The following VPS53 variants were observed in gnomAD, a reference collection of about 807,000 sequenced individuals.
VPS53 encodes vacuolar protein sorting-associated protein 53 homolog.
In VPS53, 70 loss-of-function variants were observed where a neutral mutation model predicts 107.0. That is an observed-to-expected ratio of 0.65 (90% CI 0.54 to 0.80). The LOEUF is 0.80. Among genes scored for constraint, VPS53 ranks in the 30% least tolerant of loss-of-function variants. The pLI, the probability that VPS53 is intolerant of heterozygous loss-of-function variation, is 0.00. For synonymous variants in VPS53, 409 were observed against 393.3 expected (o/e 1.04, Z -0.47); for missense variants, 917 against 1,049.4 (o/e 0.87, Z 1.74).
chr17:555,396 C>T (rs1912238661), intron 15 of VPS53, among the ~76,000 whole-genome samples: 1 of 152,214 alleles, frequency 6.6e-6, no homozygotes, highest in South Asian at 2.1e-4. Context: ...ACTTTTTGGC[C>T]ACATGTTGGC....
chr17:560,897 C>A (rs146655958), intron 14 of VPS53, among the ~76,000 whole-genome samples: 1 of 152,234 alleles, frequency 6.6e-6, no homozygotes. Flanking sequence ...TCATTTAGGA[C>A]CGTGTGGAGC....
chr17:533,813 C>T (rs1170333780), intron 18 of VPS53, among the ~76,000 whole-genome samples: 1 of 151,816 alleles, frequency 6.6e-6, no homozygotes, highest in African/African-American at 2.4e-5. Flanking sequence ...AGGAGATGCT[C>T]AAGTGAATGC....
intron 2 of VPS53, among the ~76,000 whole-genome samples, chr17:706,588 CCT>C (rs1433688342): frequency 6.6e-6 from 1 of 151,734 alleles, no homozygotes; most frequent in Non-Finnish European, 1.5e-5. Context: ...TCATAATTTA[CCT>C]ATAATCTGTT....
intron 13 of VPS53, among the ~76,000 whole-genome samples, chr17:585,834 G>C (rs577901818): frequency 6.6e-6 from 1 of 152,312 alleles, no homozygotes; most frequent in Non-Finnish European, 1.5e-5. Context: ...AACATTCTCT[G>C]AGGAGGGCAT....
chr17:677,260 A>G (rs749450227), intron 4 of VPS53, among the ~76,000 whole-genome samples: 8 of 152,222 alleles, frequency 5.3e-5, no homozygotes, highest in Non-Finnish European at 7.3e-5. Context: ...ACGGAATATT[A>G]TTCACCCGTA....
At position 511,415 on chromosome 17, in the gene VPS53, G is replaced by A. The variant is rs1345439894; in HGVS notation, c.*7713C>T. ...ACCCAAAACAGGAGGCAAGACAATT[G>A]TGCAAATTCCATTTGATGACTGAGC... On this transcript the variant is annotated 3_prime_UTR_variant, in exon 22 of 22. Transcript: ENST00000437048. 4 of 152,184 alleles carry A rather than the reference G, an allele frequency of 2.6e-5. No homozygotes were observed. In the East Asian group the frequency reaches 7.7e-4, roughly 29 times the overall value. 9.4% of individuals were successfully genotyped at this position (152,184 alleles called of 1,614,324 possible). A position where few individuals can be genotyped will look rare whatever the true frequency, so the allele number is the denominator to read the frequency against.
intron 13 of VPS53, among the ~76,000 whole-genome samples, chr17:576,944 A>G (rs1022792558): frequency 3.4e-5 from 5 of 146,876 alleles, no homozygotes; most frequent in Admixed American, 6.8e-5. Flanking sequence ...CAGAACCTCA[A>G]TGCTTTCCTA....
intron 4 of VPS53, among the ~76,000 whole-genome samples, chr17:693,594 T>C (rs1392336972): frequency 6.6e-6 from 1 of 152,124 alleles, no homozygotes; most frequent in East Asian, 1.9e-4. Flanking sequence ...AATAGCTGTG[T>C]GTGGTGGCAC....
At chr17:566,016 A>T (rs983724892) in intron 13 of VPS53, among the ~76,000 whole-genome samples, 3 of 151,936 alleles carry the variant, frequency 2.0e-5, no homozygotes, top group African/African-American at 7.3e-5. Flanking sequence ...ATCCCGGCTA[A>T]AACGGTGAAA....
At chr17:553,286 C>G (rs1912026652) in intron 16 of VPS53, 94 bp downstream of exon 16, 4 of 1,164,022 alleles carry the variant, frequency 3.4e-6, no homozygotes, top group Non-Finnish European at 5.1e-6. Flanking sequence ...AAAGGGCAGG[C>G]AGCGAGCAAG....
intron 4 of VPS53, among the ~76,000 whole-genome samples, chr17:678,822 G>C (rs1466461051): frequency 6.6e-6 from 1 of 151,990 alleles, no homozygotes; most frequent in Non-Finnish European, 1.5e-5. Context: ...TGTATTTTTA[G>C]TAGAGACGGG....
In VPS53 at chr17:519,990, A is replaced by G; in HGVS notation, c.2224-60T>C. On this transcript the variant is annotated intron_variant, in intron 20 of 21. Transcript: ENST00000437048. The surrounding 1 kb of genome is among the most constrained non-coding windows in gnomAD (Gnocchi z 5.0). ...GAAAACTACCACCACGGGAGGAGAC[A>G]GGAGCGGGCCCTCAAGAAAACTCAC... 3 of 1,251,102 alleles carry G rather than the reference A, an allele frequency of 2.4e-6. No homozygotes were observed. In the East Asian group the frequency reaches 7.6e-5, roughly 32 times the overall value. The allele number at this position is 1,251,102 out of a possible 1,614,324, so 77.5% of individuals were successfully genotyped here. A position where few individuals can be genotyped will look rare whatever the true frequency, so the allele number is the denominator to read the frequency against.
At chr17:675,555 C>T (rs2143740860) in intron 4 of VPS53, 1 of 152,188 alleles carries the variant, frequency 6.6e-6, no homozygotes, top group East Asian at 1.9e-4. Flanking sequence ...GGGCGGATCA[C>T]CTCAGGTTGG....
At chr17:680,689 C>G (rs1972358199) in intron 4 of VPS53, among the ~76,000 whole-genome samples, 1 of 152,176 alleles carries the variant, frequency 6.6e-6, no homozygotes, top group Admixed American at 6.5e-5. Flanking sequence ...GGTGTCAGCT[C>G]CGGGAGAGAA....
chr17:636,006 A>G (rs1444595374), intron 7 of VPS53, among the ~76,000 whole-genome samples: 1 of 152,054 alleles, frequency 6.6e-6, no homozygotes, highest in Non-Finnish European at 1.5e-5. Context: ...CATTTTCACG[A>G]TATTGGTTCT....
Position 625,663 on chromosome 17 carries a change from G to A in VPS53, c.974+1511C>T, listed in dbSNP as rs1037922715. 1.1e-4 allele frequency among the ~76,000 whole-genome samples: 17 copies of A among 152,160 alleles called. 1 individual carries two copies. Among genetic ancestry groups the A allele is most frequent in the African/African-American group, 3.9e-4 (16 of 41,456 alleles). On this transcript the variant is annotated intron_variant, in intron 10 of 21. Coordinates refer to ENST00000437048, the MANE Select transcript of VPS53 (RefSeq NM_001128159.3). ...TATGCACGTGGGGCCGGGAGCACCT[G>A]GGAACTCTCTGTGTCTTCTGCTCAA...
chr17:600,163 G>A (rs940498646), intron 12 of VPS53: 1 of 152,252 alleles, frequency 6.6e-6, no homozygotes, highest in African/African-American at 2.4e-5. Context: ...TGATTTTGTA[G>A]GTAATGGGGC....
rs766018562 is a variant in VPS53 at position 541,304 on chromosome 17, G to A, written c.1867-4128C>T. 6.0e-4 allele frequency among the ~76,000 whole-genome samples: 91 copies of A among 152,230 alleles called. 1 individual carries two copies. Among genetic ancestry groups the A allele is most frequent in the Non-Finnish European group, 2.4e-4 (16 of 68,052 alleles). ...AGCATCAGGTGGAGACCAAAGAGAT[G>A]AAGGAATGTTTATCAACCGCCTGCC... On this transcript the variant is annotated intron_variant, in intron 17 of 21. Transcript: ENST00000437048.
Position 651,956 on chromosome 17 carries a change from G to A in VPS53, c.608+1335C>T, listed in dbSNP as rs546285880. Among the ~76,000 whole-genome samples, 151 of 152,100 alleles carry A rather than the reference G, an allele frequency of 9.9e-4. 1 individual carries two copies. The highest frequency in any genetic ancestry group is 3.4e-3 in the African/African-American group (140 of 41,504). Reference sequence around the variant, plus strand: ...CAATAAGAAGGAAAGAATAAGGTTGGGGGGAAAGTCATCTTTTTATCGTAT... The same window carrying A: ...CAATAAGAAGGAAAGAATAAGGTTGAGGGGAAAGTCATCTTTTTATCGTAT... On this transcript the variant is annotated intron_variant, in intron 7 of 21. Coordinates refer to ENST00000437048, the MANE Select transcript of VPS53 (RefSeq NM_001128159.3).
Sources: allele counts gnomAD v4.1 joint callset (sites outside exome capture counted in the v4.1 genomes callset), GRCh38; gene constraint gnomAD v4.1.1; non-coding constraint Gnocchi (gnomAD v3.1); transcripts MANE v1.5; gene names NCBI Gene and HGNC (gene_info 2026-07-23, HGNC 2026-07-21).